The following NOL4 variants were observed in gnomAD, a reference collection of about 807,000 sequenced individuals.
NOL4 encodes nucleolar protein 4.
In NOL4, 17 loss-of-function variants were observed where a neutral mutation model predicts 75.9. That is an observed-to-expected ratio of 0.22 (90% CI 0.15 to 0.34). NOL4 has a LOEUF of 0.34. Ranked by LOEUF, NOL4 falls within the 10% of genes least tolerant of loss-of-function variation. The probability of loss-of-function intolerance (pLI) is 1.00; values close to 1 mark genes in which losing one functional copy is unlikely to be tolerated. For synonymous variants in NOL4, 292 were observed against 289.9 expected, an observed-to-expected ratio of 1.01 and a Z score of -0.07; for missense variants, 614 against 793.5, an observed-to-expected ratio of 0.77 and a Z score of 2.72.
At chr18:33,863,011 G>A (rs1351833117) in intron 10 of NOL4, among the ~76,000 whole-genome samples, 1 of 152,146 alleles carries the variant, frequency 6.6e-6, no homozygotes, top group African/African-American at 2.4e-5. Flanking sequence ...GCAAAGACTT[G>A]GAACCAAGCC....
chr18:34,039,114 A>G (rs947762284), intron 5 of NOL4, among the ~76,000 whole-genome samples: 2 of 152,042 alleles, frequency 1.3e-5, no homozygotes, highest in East Asian at 3.9e-4. Flanking sequence ...TTATAGTTAT[A>G]TCATATCTTA....
chr18:34,073,306 A>G (rs2077599340), intron 5 of NOL4, among the ~76,000 whole-genome samples: 1 of 152,000 alleles, frequency 6.6e-6, no homozygotes, highest in South Asian at 2.1e-4. Flanking sequence ...AAGCCAATAA[A>G]TTAGGCAAAT....
chr18:33,963,226 A>C (rs945502310), intron 6 of NOL4, among the ~76,000 whole-genome samples: 5 of 152,154 alleles, frequency 3.3e-5, no homozygotes, highest in African/African-American at 9.7e-5. Flanking sequence ...TTTTTCTTCA[A>C]ACTAGTCTGA....
intron 1 of NOL4, among the ~76,000 whole-genome samples, chr18:34,210,191 T>C (rs760566304): frequency 4.3e-4 from 66 of 152,344 alleles, no homozygotes; most frequent in Non-Finnish European, 7.6e-4. Flanking sequence ...TCTTTAAGTA[T>C]GAGTCATTAA....
intron 1 of NOL4, among the ~76,000 whole-genome samples, chr18:34,208,122 A>C (rs1157147986): frequency 6.6e-6 from 1 of 152,166 alleles, no homozygotes; most frequent in Non-Finnish European, 1.5e-5. Context: ...AATCCAGTAG[A>C]TGAAGGGGGC....
intron 5 of NOL4, among the ~76,000 whole-genome samples, chr18:34,053,671 A>G (rs2145011494): frequency 6.6e-6 from 1 of 152,132 alleles, no homozygotes. Flanking sequence ...AATGTTAGGA[A>G]CATATAGGAA....
chr18:33,870,809 A>G (rs1180700743), intron 10 of NOL4, among the ~76,000 whole-genome samples: 2 of 152,086 alleles, frequency 1.3e-5, no homozygotes, highest in East Asian at 3.9e-4. Context: ...AGAAGACTGT[A>G]CAAGCTACTT....
At chr18:34,194,960 G>T (rs1279788354) in intron 1 of NOL4, among the ~76,000 whole-genome samples, 1 of 151,422 alleles carries the variant, frequency 6.6e-6, no homozygotes, top group Non-Finnish European at 1.5e-5. Context: ...AGAGGCAGAG[G>T]TTGGGGTGAG....
chr18:34,039,020 G>A (rs1214566912), intron 5 of NOL4, among the ~76,000 whole-genome samples: 1 of 151,842 alleles, frequency 6.6e-6, no homozygotes, highest in Non-Finnish European at 1.5e-5. Context: ...ATAAGTATGT[G>A]AAGTATTATG....
At chr18:33,871,805 C>A (rs1463567966) in intron 10 of NOL4, among the ~76,000 whole-genome samples, 2 of 151,952 alleles carry the variant, frequency 1.3e-5, no homozygotes, top group Admixed American at 6.6e-5. Flanking sequence ...ACTATAAAAC[C>A]AATTACAAGT....
intron 1 of NOL4, among the ~76,000 whole-genome samples, chr18:34,147,925 C>G (rs1215615583): frequency 6.6e-6 from 1 of 152,090 alleles, no homozygotes; most frequent in Non-Finnish European, 1.5e-5. Flanking sequence ...GATTCAACTT[C>G]TTCCCGGTTT....
At chr18:34,192,371 T>G (rs965357110) in intron 1 of NOL4, among the ~76,000 whole-genome samples, 16 of 152,126 alleles carry the variant, frequency 1.1e-4, no homozygotes, top group Non-Finnish European at 1.8e-4. Context: ...TTCCTAAAAT[T>G]TGTATAATAC....
At position 34,111,811 on chromosome 18, in the gene NOL4, G is replaced by A. The variant is rs548222595; in HGVS notation, c.415-6651C>T. Among the ~76,000 whole-genome samples, 176 of 152,182 alleles carry A rather than the reference G, an allele frequency of 1.2e-3. 3 individuals are homozygous for A. In the South Asian group the frequency reaches 0.035, roughly 31 times the overall value. ...ATATCACCTCACACCTGTTAGGATCGCTATTATAAAAAAGTCAAAGACAAA... is the reference window on the plus strand; with the variant it reads ...ATATCACCTCACACCTGTTAGGATCACTATTATAAAAAAGTCAAAGACAAA... On this transcript the variant is annotated intron_variant, in intron 2 of 10. Coordinates refer to ENST00000261592, the MANE Select transcript of NOL4 (RefSeq NM_003787.5).
chr18:34,137,810 G>A lies in NOL4; in HGVS notation c.265-7790C>T, dbSNP rs370639684. ...CACACACACACACACACACACACAC[G>A]CACGCACACATACACACATTCAAAA... On this transcript the variant is annotated intron_variant, in intron 1 of 10. Transcript: ENST00000261592. Among the ~76,000 whole-genome samples, 212 of 72,154 alleles carry A rather than the reference G, an allele frequency of 2.9e-3. 2 individuals carry two copies. Among genetic ancestry groups the A allele is most frequent in the South Asian group, 5.3e-3 (13 of 2,472 alleles). The allele number at this position is 72,154 out of a possible 152,430, so 47.3% of individuals were successfully genotyped here. A position where few individuals can be genotyped will look rare whatever the true frequency, so the allele number is the denominator to read the frequency against.
intron 1 of NOL4, among the ~76,000 whole-genome samples, chr18:34,186,172 T>C (rs1218373418): frequency 1.3e-5 from 2 of 152,180 alleles, no homozygotes; most frequent in Non-Finnish European, 2.9e-5. Context: ...ATGAATGTTC[T>C]CCATGTTTGG....
intron 2 of NOL4, among the ~76,000 whole-genome samples, chr18:34,106,668 A>G (rs1004239055): frequency 6.6e-6 from 1 of 151,534 alleles, no homozygotes; most frequent in Non-Finnish European, 1.5e-5. Context: ...GAAAATATAT[A>G]TATAATTTAG....
At chr18:34,194,079 T>C (rs78357724) in intron 1 of NOL4, among the ~76,000 whole-genome samples, 2,619 of 152,004 alleles carry the variant, frequency 0.017, 33 homozygotes, top group Non-Finnish European at 0.025. Context: ...GGGTGGGGGA[T>C]AGGGGTTGGG....
chr18:33,866,982 C>A (rs2063458885), intron 10 of NOL4, among the ~76,000 whole-genome samples: 1 of 152,058 alleles, frequency 6.6e-6, no homozygotes, highest in South Asian at 2.1e-4. Context: ...ATTGCTTAGA[C>A]CATTGGGTTC....
At chr18:33,942,250 TA>T (rs1474516903) in intron 9 of NOL4, among the ~76,000 whole-genome samples, 3 of 152,022 alleles carry the variant, frequency 2.0e-5, no homozygotes, top group Non-Finnish European at 2.9e-5. Context: ...CCATTTGTTG[TA>T]AAAATACTTT....
Sources: allele counts gnomAD v4.1 joint callset (sites outside exome capture counted in the v4.1 genomes callset), GRCh38; gene constraint gnomAD v4.1.1; transcripts MANE v1.5; gene names NCBI Gene and HGNC (gene_info 2026-07-23, HGNC 2026-07-21).